Variants in CD82 observed in about 807,000 individuals in gnomAD.
CD82 encodes CD82 antigen.
In CD82, 36 loss-of-function variants were observed where a neutral mutation model predicts 37.4. The ratio of observed to expected loss-of-function variants is 0.96; its 90% CI spans 0.74 to 1.27. The LOEUF is 1.27. Among genes scored for constraint, CD82 ranks in the 50% most tolerant of loss-of-function variants. CD82 has a pLI of 0.00. For synonymous variants in CD82, 158 were observed against 137.4 expected (o/e 1.15, Z -1.05); for missense variants, 340 against 347.0 (o/e 0.98, Z 0.16).
chr11:44,566,891 G>A (rs1054796977), intron 1 of CD82, among the ~76,000 whole-genome samples: 4 of 152,110 alleles, frequency 2.6e-5, no homozygotes. Flanking sequence ...TCTATTTGAG[G>A]GATGAGGACT....
intron 1 of CD82, among the ~76,000 whole-genome samples, chr11:44,571,537 C>A (rs1433748153): frequency 6.6e-6 from 1 of 152,150 alleles, no homozygotes; most frequent in Non-Finnish European, 1.5e-5. Context: ...ATAGTTAGTG[C>A]TATATATGTT....
chr11:44,618,742 A>C lies in CD82; in HGVS notation c.726+19A>C. ...CATCGAGGTCTGAGCCCCCTCCCCC[A>C]TCCCTTCTCCATCCCAGGTCCTCCT... On this transcript the variant is annotated intron_variant, in intron 9 of 9. Coordinates refer to ENST00000227155, the MANE Select transcript of CD82 (RefSeq NM_002231.4). 1 of 1,599,598 alleles carries C rather than the reference A, an allele frequency of 6.3e-7. No homozygotes were observed. Among genetic ancestry groups the C allele is most frequent in the Non-Finnish European group, 8.6e-7 (1 of 1,168,192 alleles).
At chr11:44,605,484 T>A (rs901985697) in intron 6 of CD82, 55 bp downstream of exon 6, 4 of 1,520,382 alleles carry the variant, frequency 2.6e-6, no homozygotes, top group Non-Finnish European at 3.6e-6. Flanking sequence ...TGGGGGTGAT[T>A]GACTGAGTGT....
intron 4 of CD82, among the ~76,000 whole-genome samples, chr11:44,601,464 C>G (rs1039174079): frequency 6.6e-6 from 1 of 152,156 alleles, no homozygotes; most frequent in Non-Finnish European, 1.5e-5. Context: ...CTGTGACACA[C>G]CCTCCTTGGC....
In CD82 at chr11:44,578,096, G is replaced by T. The variant is rs1293537321; in HGVS notation, c.-102-9379G>T. 2.0e-5 allele frequency among the ~76,000 whole-genome samples: 3 copies of T among 152,206 alleles called. No homozygotes were observed. The East Asian group carries it at 5.8e-4, about 29-fold the overall frequency. On this transcript the variant is annotated intron_variant, in intron 1 of 9. Transcript: ENST00000227155. ...ATGATCGGCAAACAGGAGACCAGGG[G>T]ATGGGGCCCAGGCGACCTGAGGGCG...
At chr11:44,577,682 C>T (rs771011985) in intron 1 of CD82, among the ~76,000 whole-genome samples, 71 of 152,250 alleles carry the variant, frequency 4.7e-4, no homozygotes, top group Admixed American at 1.2e-3. Context: ...CTACTTTCCT[C>T]GTTGATAGCT....
intron 7 of CD82, 22 bp from the exon 8 acceptor site, chr11:44,618,140 G>T: frequency 6.2e-7 from 1 of 1,611,526 alleles, no homozygotes; most frequent in Non-Finnish European, 8.5e-7. Flanking sequence ...AGCACAAGCA[G>T]TCTGTCCCCT....
chr11:44,601,202 G>C (rs1853303993), intron 4 of CD82, among the ~76,000 whole-genome samples: 1 of 152,154 alleles, frequency 6.6e-6, no homozygotes, highest in Admixed American at 6.5e-5. Flanking sequence ...CAAGGCAGCT[G>C]GTTTGGAATG....
In CD82 at chr11:44,619,040, T is replaced by TC; in HGVS notation, c.727-5dup. On this transcript the variant is annotated splice_polypyrimidine_tract_variant and intron_variant, in intron 9 of 9. Coordinates refer to ENST00000227155, the MANE Select transcript of CD82 (RefSeq NM_002231.4). The stretch of plus-strand genomic sequence containing the variant: ...CAGCCTCCCTCTGACTCTCCGCCTC[T>TC]CCCCACAGCTCCTGGGGATGGTCCT... The TC allele has an allele frequency of 6.2e-7, 1 of 1,613,254 alleles. No homozygotes were observed. The highest frequency in any genetic ancestry group is 1.1e-5 in the South Asian group (1 of 91,060).
At chr11:44,600,462 C>T (rs191913486) in intron 4 of CD82, among the ~76,000 whole-genome samples, 49 of 152,334 alleles carry the variant, frequency 3.2e-4, no homozygotes, top group African/African-American at 1.2e-3. Flanking sequence ...TCTGGGGGAA[C>T]ACTGGGGATG....
intron 4 of CD82, among the ~76,000 whole-genome samples, chr11:44,601,080 T>C (rs1361841341): frequency 1.2e-5 from 1 of 82,640 alleles, no homozygotes; most frequent in Non-Finnish European, 2.3e-5. Context: ...CACGCTGACT[T>C]CTCAGGGGCT....
At chr11:44,588,650 G>T (rs1215753856) in intron 2 of CD82, among the ~76,000 whole-genome samples, 1 of 152,168 alleles carries the variant, frequency 6.6e-6, no homozygotes, top group Non-Finnish European at 1.5e-5. Flanking sequence ...GCAGCCTGAT[G>T]CCAGAGCCTG....
At chr11:44,580,052 T>C (rs1458933906) in intron 1 of CD82, among the ~76,000 whole-genome samples, 1 of 152,202 alleles carries the variant, frequency 6.6e-6, no homozygotes, top group East Asian at 1.9e-4. Context: ...AAGAGACAGG[T>C]GAGGGAGAAG....
At chr11:44,577,328 A>T (rs1016880526) in intron 1 of CD82, among the ~76,000 whole-genome samples, 7 of 152,046 alleles carry the variant, frequency 4.6e-5, no homozygotes, top group African/African-American at 1.7e-4. Context: ...TTTCACCTGA[A>T]TGCCATCACT....
chr11:44,607,597 C>T (rs1320670205), intron 6 of CD82, among the ~76,000 whole-genome samples: 2 of 152,208 alleles, frequency 1.3e-5, no homozygotes, highest in Non-Finnish European at 2.9e-5. Flanking sequence ...AAATATGGCC[C>T]ACCAGGTTGG....
chr11:44,592,813 GC>G (rs1382572983), intron 2 of CD82, among the ~76,000 whole-genome samples: 1 of 152,148 alleles, frequency 6.6e-6, no homozygotes, highest in African/African-American at 2.4e-5. Context: ...AGGCCTTGGA[GC>G]CCCCTAGACT....
intron 6 of CD82, among the ~76,000 whole-genome samples, chr11:44,613,529 G>A (rs1423109005): frequency 6.6e-6 from 1 of 152,204 alleles, no homozygotes; most frequent in Non-Finnish European, 1.5e-5. Context: ...GCATAGGCAA[G>A]ATGTAGATTT....
intron 1 of CD82, among the ~76,000 whole-genome samples, chr11:44,572,349 A>G (rs1482852420): frequency 1.3e-5 from 2 of 152,236 alleles, no homozygotes; most frequent in Non-Finnish European, 2.9e-5. Flanking sequence ...CTATTTTCCA[A>G]ATCTACAGTG....
intron 1 of CD82, among the ~76,000 whole-genome samples, chr11:44,582,766 G>C (rs1852999140): frequency 6.6e-6 from 1 of 152,176 alleles, no homozygotes; most frequent in Admixed American, 6.5e-5. Context: ...TATCCCTCTA[G>C]GTTAGAGCTT....
Sources: allele counts gnomAD v4.1 joint callset (sites outside exome capture counted in the v4.1 genomes callset), GRCh38; gene constraint gnomAD v4.1.1; transcripts MANE v1.5; gene names NCBI Gene and HGNC (gene_info 2026-07-23, HGNC 2026-07-21).